Variants in NKAIN2 observed in about 807,000 individuals in gnomAD.
NKAIN2 encodes sodium/potassium-transporting ATPase subunit beta-1-interacting protein 2.
Under a neutral mutation model 32.6 loss-of-function variants are expected in NKAIN2, and 14 were observed. That is an observed-to-expected ratio of 0.43 (90% confidence interval 0.28 to 0.67). NKAIN2 has a LOEUF of 0.67. NKAIN2 is among the 30% of genes least tolerant of loss of function. The pLI is 0.17. For synonymous variants in NKAIN2, 80 were observed against 87.2 expected, an observed-to-expected ratio of 0.92 and a Z score of 0.46; for missense variants, 198 against 258.3, an observed-to-expected ratio of 0.77 and a Z score of 1.60.
intron 1 of NKAIN2, among the ~76,000 whole-genome samples, chr6:123,910,330 C>T (rs372332512): frequency 1.3e-4 from 19 of 151,980 alleles, no homozygotes; most frequent in African/African-American, 4.1e-4. Flanking sequence ...TTTACAACAC[C>T]CTTGAAAATA....
intron 1 of NKAIN2, among the ~76,000 whole-genome samples, chr6:123,849,166 C>G (rs1377230302): frequency 6.6e-6 from 1 of 152,150 alleles, no homozygotes; most frequent in Non-Finnish European, 1.5e-5. Flanking sequence ...TCTTGTACTA[C>G]TTTGTACAAC....
At chr6:124,022,332 G>A (rs1442757201) in intron 1 of NKAIN2, among the ~76,000 whole-genome samples, 1 of 152,028 alleles carries the variant, frequency 6.6e-6, no homozygotes, top group Non-Finnish European at 1.5e-5. Context: ...CTTCACTATT[G>A]TGAATAATGC....
chr6:124,184,554 C>T (rs1009661183), intron 1 of NKAIN2, among the ~76,000 whole-genome samples: 3 of 152,118 alleles, frequency 2.0e-5, no homozygotes, highest in African/African-American at 7.2e-5. Flanking sequence ...GAGTATCCCT[C>T]ACTATCTGTA....
chr6:124,095,523 A>G (rs1784613605), intron 1 of NKAIN2, among the ~76,000 whole-genome samples: 1 of 152,164 alleles, frequency 6.6e-6, no homozygotes, highest in African/African-American at 2.4e-5. Flanking sequence ...TTATTTAAGC[A>G]GAATATGGAT....
intron 1 of NKAIN2, among the ~76,000 whole-genome samples, chr6:123,922,728 A>G (rs1775812617): frequency 6.6e-6 from 1 of 152,152 alleles, no homozygotes; most frequent in African/African-American, 2.4e-5. Flanking sequence ...TTGTTTGCTC[A>G]GTTATATTTC....
chr6:124,256,771 A>C (rs1793954692), intron 1 of NKAIN2, among the ~76,000 whole-genome samples: 1 of 152,140 alleles, frequency 6.6e-6, no homozygotes, highest in Admixed American at 6.5e-5. Flanking sequence ...AACACTAATA[A>C]ACAGTAGCAA....
chr6:124,638,921 AATC>A (rs1783883910), intron 3 of NKAIN2, among the ~76,000 whole-genome samples: 1 of 151,552 alleles, frequency 6.6e-6, no homozygotes, highest in African/African-American at 2.4e-5. Context: ...ATAAGCAAAG[AATC>A]TGAATAGAAA....
intron 3 of NKAIN2, among the ~76,000 whole-genome samples, chr6:124,419,464 G>A (rs1324033866): frequency 1.3e-5 from 2 of 152,146 alleles, no homozygotes; most frequent in African/African-American, 2.4e-5. Context: ...TAACCAAGGT[G>A]CTCTGCTGCT....
At chr6:124,653,036 A>C (rs984678145) in intron 3 of NKAIN2, among the ~76,000 whole-genome samples, 1 of 152,174 alleles carries the variant, frequency 6.6e-6, no homozygotes. Flanking sequence ...TGTGAAATTC[A>C]ATGTTTATGG....
At chr6:124,215,638 A>G (rs539971068) in intron 1 of NKAIN2, among the ~76,000 whole-genome samples, 28 of 152,250 alleles carry the variant, frequency 1.8e-4, no homozygotes, top group African/African-American at 6.3e-4. Context: ...ATTATTCTCA[A>G]TCTAGAATTT....
intron 3 of NKAIN2, among the ~76,000 whole-genome samples, chr6:124,549,034 CTT>C (rs375814713): frequency 2.2e-3 from 337 of 152,180 alleles, no homozygotes; most frequent in Non-Finnish European, 3.9e-3. Flanking sequence ...TTTTGAGAAA[CTT>C]TGATGCATGG....
chr6:124,072,522 T>C (rs1783509274), intron 1 of NKAIN2, among the ~76,000 whole-genome samples: 1 of 152,016 alleles, frequency 6.6e-6, no homozygotes, highest in Admixed American at 6.6e-5. Context: ...AATTTCATTT[T>C]CCCCTGTCAT....
chr6:124,757,328 T>C (rs569675808), intron 4 of NKAIN2, among the ~76,000 whole-genome samples: 2 of 152,296 alleles, frequency 1.3e-5, no homozygotes, highest in African/African-American at 4.8e-5. Context: ...GCCTTGCTGT[T>C]ATTTCTCTCT....
chr6:124,622,310 A>C (rs1394537970), intron 3 of NKAIN2, among the ~76,000 whole-genome samples: 2 of 152,304 alleles, frequency 1.3e-5, no homozygotes, highest in Admixed American at 1.3e-4. Flanking sequence ...ATTCAGTGGG[A>C]GAGTTCCCTC....
chr6:124,176,064 A>G (rs1789140510), intron 1 of NKAIN2, among the ~76,000 whole-genome samples: 1 of 152,194 alleles, frequency 6.6e-6, no homozygotes, highest in Non-Finnish European at 1.5e-5. Flanking sequence ...GAATATTGCA[A>G]TGAAGTGAGT....
intron 1 of NKAIN2, among the ~76,000 whole-genome samples, chr6:123,967,392 G>A (rs948612434): frequency 2.6e-5 from 4 of 152,164 alleles, no homozygotes; most frequent in Non-Finnish European, 5.9e-5. Flanking sequence ...CGAGTTCACT[G>A]GGAAGCCAGC....
At chr6:124,433,879 G>T (rs1775324954) in intron 3 of NKAIN2, among the ~76,000 whole-genome samples, 1 of 152,164 alleles carries the variant, frequency 6.6e-6, no homozygotes, top group East Asian at 1.9e-4. Context: ...AAGCATTTGG[G>T]ATTGTTTGTT....
intron 1 of NKAIN2, among the ~76,000 whole-genome samples, chr6:124,101,593 C>A (rs571479978): frequency 4.9e-4 from 74 of 151,782 alleles, no homozygotes; most frequent in South Asian, 2.1e-3. Flanking sequence ...TTTGTTTTTG[C>A]TGTTTTTTTC....
At chr6:123,846,418 TA>T (rs1205276138) in intron 1 of NKAIN2, among the ~76,000 whole-genome samples, 1 of 152,188 alleles carries the variant, frequency 6.6e-6, no homozygotes, top group Non-Finnish European at 1.5e-5. Flanking sequence ...GAGATGCAAA[TA>T]GCTATGGGCT....
Sources: gnomAD v4.1 joint callset for allele counts (sites outside exome capture counted in the v4.1 genomes callset) on GRCh38, gnomAD v4.1.1 for gene constraint, MANE v1.5 for transcripts, NCBI Gene and HGNC (gene_info 2026-07-23, HGNC 2026-07-21) for gene names.